Variants in VAPA observed in about 807,000 individuals in gnomAD.
The protein encoded by VAPA is vesicle-associated membrane protein-associated protein A.
Under a neutral mutation model 25.6 loss-of-function variants are expected in VAPA, and 6 were observed. The ratio of observed to expected loss-of-function variants is 0.23; its 90% CI spans 0.13 to 0.46. The LOEUF is 0.46. Ranked by LOEUF, VAPA falls within the 20% of genes least tolerant of loss-of-function variation. VAPA has a pLI of 0.99. For synonymous variants in VAPA, 112 were observed against 106.2 expected, an observed-to-expected ratio of 1.05 and a Z score of -0.34; for missense variants, 244 against 302.1, an observed-to-expected ratio of 0.81 and a Z score of 1.43.
At position 9,957,278 on chromosome 18, in the gene VAPA, CT is replaced by C. The variant is rs2069561475; in HGVS notation, c.*3068del. On this transcript the variant is annotated 3_prime_UTR_variant, in exon 6 of 6. Transcript: ENST00000400000. ...AACTCCTGAATCCGCCTGCCTCGGC[CT>C]CCCAAAGTGCTGGGATTACAGGTGT... 1 of 152,172 alleles carries C rather than the reference CT, an allele frequency of 6.6e-6. No homozygotes were observed. The highest frequency in any genetic ancestry group is 1.5e-5 in the Non-Finnish European group (1 of 68,060). The allele number at this position is 152,172 out of a possible 1,614,324, so 9.4% of individuals were successfully genotyped here.
intron 1 of VAPA, among the ~76,000 whole-genome samples, chr18:9,922,843 A>G (rs1032197748): frequency 1.3e-5 from 2 of 152,156 alleles, no homozygotes; most frequent in African/African-American, 4.8e-5. Flanking sequence ...AATTGCTTAC[A>G]TCTTTATGAT....
In VAPA at chr18:9,957,917, C is replaced by T. The variant is rs1281576210; in HGVS notation, c.*3706C>T. 1 of 152,210 alleles carries T rather than the reference C, an allele frequency of 6.6e-6. No homozygotes were observed. The highest frequency in any genetic ancestry group is 6.5e-5 in the Admixed American group (1 of 15,284). 9.4% of individuals were successfully genotyped at this position (152,210 alleles called of 1,614,324 possible). On this transcript the variant is annotated 3_prime_UTR_variant, in exon 6 of 6. Coordinates refer to ENST00000400000, the MANE Select transcript of VAPA (RefSeq NM_194434.3). Reference sequence around the variant, plus strand: ...CCCCACTTTTGGTAGACTACCACCACGCTTCTTCGCGTAAGCAGTGGCATC... The same window carrying T: ...CCCCACTTTTGGTAGACTACCACCATGCTTCTTCGCGTAAGCAGTGGCATC...
At chr18:9,924,292 C>G (rs2069182022) in intron 1 of VAPA, among the ~76,000 whole-genome samples, 2 of 152,118 alleles carry the variant, frequency 1.3e-5, no homozygotes, top group African/African-American at 4.8e-5. Flanking sequence ...ATGTGGACCG[C>G]TCGTTTCTAT....
chr18:9,926,834 C>A (rs985376886), intron 1 of VAPA, among the ~76,000 whole-genome samples: 1 of 152,098 alleles, frequency 6.6e-6, no homozygotes, highest in African/African-American at 2.4e-5. Context: ...TTAATACATT[C>A]TTGAAAAGAT....
At chr18:9,936,402 T>A (rs78036419) in intron 3 of VAPA, 189 bp downstream of exon 3, 28,203 of 412,928 alleles carry the variant, frequency 0.068, 1,121 homozygotes, top group South Asian at 0.14. Flanking sequence ...TATTTTTTTT[T>A]AGAAACAATT....
intron 2 of VAPA, among the ~76,000 whole-genome samples, chr18:9,932,721 T>C (rs1644583326): frequency 6.6e-6 from 1 of 152,210 alleles, no homozygotes; most frequent in South Asian, 2.1e-4. Context: ...GCAGTACTTC[T>C]CAACTCCCAC....
At chr18:9,948,531 T>A (rs1024150169) in intron 4 of VAPA, 1 of 152,076 alleles carries the variant, frequency 6.6e-6, no homozygotes, top group African/African-American at 2.4e-5. Context: ...TTGATGATTC[T>A]TTTAGTTTTT....
intron 4 of VAPA, among the ~76,000 whole-genome samples, chr18:9,946,788 C>T (rs1480875995): frequency 6.6e-6 from 1 of 152,068 alleles, no homozygotes; most frequent in Non-Finnish European, 1.5e-5. Context: ...ACTTAGGCTA[C>T]ATTTATTAAA....
chr18:9,934,633 A>C (rs1295806550), intron 2 of VAPA, among the ~76,000 whole-genome samples: 2 of 152,186 alleles, frequency 1.3e-5, no homozygotes, highest in Non-Finnish European at 2.9e-5. Flanking sequence ...GAAAGTGTAG[A>C]GATATATCTT....
intron 4 of VAPA, among the ~76,000 whole-genome samples, chr18:9,939,395 T>TC (rs1173824342): frequency 6.6e-6 from 1 of 152,088 alleles, no homozygotes; most frequent in Non-Finnish European, 1.5e-5. Flanking sequence ...CCTCAGGTGA[T>TC]CCACCTGCCT....
At chr18:9,950,134 C>A in intron 4 of VAPA, 1 of 349,480 alleles carries the variant, frequency 2.9e-6, no homozygotes, top group Non-Finnish European at 5.2e-6. Flanking sequence ...CTCTCTCAGC[C>A]TTTGAAGTAT....
At chr18:9,928,531 A>G (rs1419381238) in intron 1 of VAPA, among the ~76,000 whole-genome samples, 1 of 152,138 alleles carries the variant, frequency 6.6e-6, no homozygotes, top group East Asian at 1.9e-4. Context: ...TACAAAGGAT[A>G]CATTTTCAAT....
At chr18:9,940,771 A>G (rs1296381196) in intron 4 of VAPA, among the ~76,000 whole-genome samples, 1 of 152,178 alleles carries the variant, frequency 6.6e-6, no homozygotes, top group Admixed American at 6.5e-5. Context: ...TTTTTGATGG[A>G]TGTTTTTGAG....
intron 5 of VAPA, among the ~76,000 whole-genome samples, chr18:9,953,318 T>G (rs973033386): frequency 6.6e-6 from 1 of 152,168 alleles, no homozygotes; most frequent in African/African-American, 2.4e-5. Context: ...CAGATAAGGG[T>G]TTCCTATGTA....
In VAPA at chr18:9,943,870, T is replaced by A. The variant is rs1266991255; in HGVS notation, c.418-6525T>A. 5.5e-5 allele frequency among the ~76,000 whole-genome samples: 5 copies of A among 90,732 alleles called. 1 individual carries two copies. The highest frequency in any genetic ancestry group is 3.6e-4 in the Admixed American group (3 of 8,346). The allele number at this position is 90,732 out of a possible 152,430, so 59.5% of individuals were successfully genotyped here. ...TTTTTTTTTTTTTTTTTTTTTTTTT[T>A]TTTTTTTTGAGACAGTGTCTCGCTC... On this transcript the variant is annotated intron_variant, in intron 4 of 5. Coordinates refer to ENST00000400000, the MANE Select transcript of VAPA (RefSeq NM_194434.3).
rs1011958066 is a variant in VAPA, at chr18:9,956,695, TATG to T, written c.*2487_*2489del. 2.6e-5 allele frequency: 4 copies of T among 152,800 alleles called. No homozygotes were observed. The highest frequency in any genetic ancestry group is 6.5e-5 in the Admixed American group (1 of 15,308). The allele number at this position is 152,800 out of a possible 1,614,324, so 9.5% of individuals were successfully genotyped here. On this transcript the variant is annotated 3_prime_UTR_variant, in exon 6 of 6. Transcript: ENST00000400000. ...TCCAACTGTATTAATTGACTGATAA[TATG>T]ATAATATAGAGATTAAATTGTTTGT...
intron 1 of VAPA, among the ~76,000 whole-genome samples, chr18:9,916,718 G>A (rs2069114712): frequency 1.3e-5 from 2 of 152,142 alleles, no homozygotes; most frequent in South Asian, 4.1e-4. Flanking sequence ...GTCTACTTGG[G>A]CTTAGTTTAT....
intron 4 of VAPA, among the ~76,000 whole-genome samples, chr18:9,943,788 G>A (rs1488853193): frequency 7.8e-6 from 1 of 128,682 alleles, no homozygotes; most frequent in Non-Finnish European, 1.6e-5. Context: ...TTTCTTAAAT[G>A]TATTGCATTT....
At chr18:9,932,473 T>C (rs1216310368) in intron 2 of VAPA, among the ~76,000 whole-genome samples, 3 of 152,246 alleles carry the variant, frequency 2.0e-5, no homozygotes, top group Middle Eastern at 3.2e-3. Flanking sequence ...TACTCTCTTA[T>C]GTGTTTACTT....
Sources: gnomAD v4.1 joint callset for allele counts (sites outside exome capture counted in the v4.1 genomes callset) on GRCh38, gnomAD v4.1.1 for gene constraint, MANE v1.5 for transcripts, NCBI Gene and HGNC (gene_info 2026-07-23, HGNC 2026-07-21) for gene names.